Variants in FRMD4A observed in about 807,000 individuals in gnomAD.
FRMD4A encodes the protein FERM domain containing 4A.
A neutral mutation model predicts 129.1 loss-of-function variants in FRMD4A; 29 were observed. The ratio of observed to expected loss-of-function variants is 0.22; its 90% CI spans 0.17 to 0.31. The LOEUF (loss-of-function observed/expected upper bound fraction) is 0.31. Ranked by LOEUF, FRMD4A falls within the 10% of genes least tolerant of loss-of-function variation. The probability of loss-of-function intolerance (pLI) is 1.00; values close to 1 mark genes in which losing one functional copy is unlikely to be tolerated. For synonymous variants in FRMD4A, 634 were observed against 571.6 expected (o/e 1.11, Z -1.56); for missense variants, 1,272 against 1,375.8 (o/e 0.92, Z 1.19).
At chr10:13,706,450 G>C (rs1237495526) in intron 13 of FRMD4A, among the ~76,000 whole-genome samples, 1 of 152,082 alleles carries the variant, frequency 6.6e-6, no homozygotes, top group African/African-American at 2.4e-5. Flanking sequence ...CAACCCTGGT[G>C]CTCTCTGGGG....
At chr10:14,152,936 T>G (rs1365294375) in intron 2 of FRMD4A, among the ~76,000 whole-genome samples, 1 of 152,110 alleles carries the variant, frequency 6.6e-6, no homozygotes, top group African/African-American at 2.4e-5. Context: ...TACCTTAGTC[T>G]CTGGCAGAGC....
intron 3 of FRMD4A, among the ~76,000 whole-genome samples, chr10:13,834,944 C>T (rs1359600954): frequency 2.0e-5 from 3 of 152,142 alleles, no homozygotes; most frequent in African/African-American, 7.2e-5. Flanking sequence ...GACTTCCAGA[C>T]AATCAGATAA....
chr10:13,731,590 A>G (rs1309417888), intron 12 of FRMD4A, among the ~76,000 whole-genome samples: 2 of 149,126 alleles, frequency 1.3e-5, no homozygotes, highest in Non-Finnish European at 3.0e-5. Flanking sequence ...TGGAGGTTGC[A>G]GTGAGCTGAG....
intron 2 of FRMD4A, among the ~76,000 whole-genome samples, chr10:13,878,822 G>GGGAAGGAAGGAAGGAAGGAA (rs71388126): frequency 0.012 from 1,752 of 140,846 alleles, 42 homozygotes; most frequent in African/African-American, 0.024. Flanking sequence ...GAGGGAGGGA[G>GGGAAGGAAGGAAGGAAGGAA]GGAAGGAAGG....
At chr10:13,855,056 C>T (rs181254578) in intron 3 of FRMD4A, among the ~76,000 whole-genome samples, 88 of 152,220 alleles carry the variant, frequency 5.8e-4, no homozygotes, top group African/African-American at 1.9e-3. Context: ...CTGTGAGTAA[C>T]GTATGATCTA....
chr10:14,321,515 G>T (rs918761594), intron 2 of FRMD4A, among the ~76,000 whole-genome samples: 2 of 152,060 alleles, frequency 1.3e-5, no homozygotes, highest in African/African-American at 4.8e-5. Flanking sequence ...GAATTTTGAG[G>T]GGTGGAGGAA....
In FRMD4A at chr10:14,296,217, GC is replaced by G. The variant is rs1846004287; in HGVS notation, c.45+33840del. On this transcript the variant is annotated intron_variant, in intron 2 of 24. Transcript: ENST00000357447. ...AGAATATTTCCTGCAGAGGCCTTTGGCCAAAGTAATCAAATTCTAGCCTGGC... is the reference window on the plus strand; with the variant it reads ...AGAATATTTCCTGCAGAGGCCTTTGGCAAAGTAATCAAATTCTAGCCTGGC... Among the ~76,000 whole-genome samples, 4 of 152,134 alleles carry G rather than the reference GC, an allele frequency of 2.6e-5. No individual in the cohort carries two copies. In the South Asian group the frequency reaches 8.3e-4, roughly 32 times the overall value.
At chr10:13,860,322 T>A (rs2094277040) in intron 2 of FRMD4A, among the ~76,000 whole-genome samples, 1 of 152,250 alleles carries the variant, frequency 6.6e-6, no homozygotes, top group Non-Finnish European at 1.5e-5. Flanking sequence ...CTTTGTTTGT[T>A]AACACCATGT....
intron 2 of FRMD4A, among the ~76,000 whole-genome samples, chr10:14,072,520 G>C (rs1363195822): frequency 1.3e-5 from 2 of 152,152 alleles, no homozygotes; most frequent in Non-Finnish European, 2.9e-5. Context: ...CGCTTTCTGA[G>C]CCTCAGTTAA....
chr10:14,299,105 G>A (rs1004782167), intron 2 of FRMD4A, among the ~76,000 whole-genome samples: 9 of 152,172 alleles, frequency 5.9e-5, no homozygotes, highest in African/African-American at 1.9e-4. Context: ...GGCCAGCCTT[G>A]TAGAGACAAG....
At chr10:14,080,935 G>A (rs1468403040) in intron 2 of FRMD4A, among the ~76,000 whole-genome samples, 4 of 151,752 alleles carry the variant, frequency 2.6e-5, no homozygotes, top group Non-Finnish European at 5.9e-5. Context: ...CTCTGCTGGG[G>A]GCCTATGTGG....
intron 2 of FRMD4A, among the ~76,000 whole-genome samples, chr10:14,171,141 T>G (rs1473302682): frequency 6.6e-6 from 1 of 152,004 alleles, no homozygotes; most frequent in Non-Finnish European, 1.5e-5. Flanking sequence ...ATTAAAAAAA[T>G]TCACGGACAT....
Position 13,659,311 on chromosome 10 carries a change from AG to A in FRMD4A, c.2066+11del. 6.2e-7 allele frequency: 1 copy of A among 1,612,444 alleles called. No homozygotes were observed. Among genetic ancestry groups the A allele is most frequent in the Non-Finnish European group, 8.5e-7 (1 of 1,178,394 alleles). Reference sequence around the variant, plus strand: ...AAGGCTTGGTCTGAGCAGGAAGGCCAGGCAGACTCACCTCGTGGAATGGACG... The same window carrying A: ...AAGGCTTGGTCTGAGCAGGAAGGCCAGCAGACTCACCTCGTGGAATGGACG... On this transcript the variant is annotated intron_variant, in intron 21 of 24. Coordinates refer to ENST00000357447, the MANE Select transcript of FRMD4A (RefSeq NM_018027.5).
chr10:13,794,870 T>G (rs2093080275), intron 5 of FRMD4A, among the ~76,000 whole-genome samples: 1 of 152,214 alleles, frequency 6.6e-6, no homozygotes, highest in Non-Finnish European at 1.5e-5. Context: ...CTAGCACCTA[T>G]TTAACCTCTG....
chr10:13,663,307 ACT>A (rs55876188), intron 19 of FRMD4A, 144 bp downstream of exon 19: 514,376 of 626,752 alleles, frequency 0.82, 212,049 homozygotes, highest in East Asian at 0.88. Flanking sequence ...AGAGGTGAAT[ACT>A]GGGAAATGAG....
chr10:13,698,276 GA>G (rs1474694703), intron 14 of FRMD4A, among the ~76,000 whole-genome samples: 8 of 152,130 alleles, frequency 5.3e-5, no homozygotes, highest in African/African-American at 1.9e-4. Flanking sequence ...CATCATTTGG[GA>G]GGCCTGGGCT....
Position 13,658,382 on chromosome 10 carries a change from T to C in FRMD4A, c.2067-860A>G, listed in dbSNP as rs141243329. ...TTACTTTATAATTCATTCTGCTCGT[T>C]TGAGTCCACTCAGGGCTTAGGGAAG... On this transcript the variant is annotated intron_variant, in intron 21 of 24. Transcript: ENST00000357447. 9.6e-3 allele frequency among the ~76,000 whole-genome samples: 1,470 copies of C among 152,370 alleles called. 17 individuals are homozygous for C. The highest frequency in any genetic ancestry group is 0.032 in the African/African-American group (1,311 of 41,588).
At chr10:13,974,974 A>T (rs1419309670) in intron 2 of FRMD4A, among the ~76,000 whole-genome samples, 1 of 140,978 alleles carries the variant, frequency 7.1e-6, no homozygotes, top group African/African-American at 2.6e-5. Flanking sequence ...AGAGCAATTC[A>T]CTATAGGTGT....
At position 13,664,053 on chromosome 10, in the gene FRMD4A, C is replaced by T. The variant is rs181394170; in HGVS notation, c.1604-544G>A. ...TTTTTATAGATGCCATTCAATTAACCGGGAGAACACACCCAAAAGGGAGAT... is the reference window on the plus strand; with the variant it reads ...TTTTTATAGATGCCATTCAATTAACTGGGAGAACACACCCAAAAGGGAGAT... On this transcript the variant is annotated intron_variant, in intron 18 of 24. Coordinates refer to ENST00000357447, the MANE Select transcript of FRMD4A (RefSeq NM_018027.5). 5.3e-5 allele frequency among the ~76,000 whole-genome samples: 8 copies of T among 152,242 alleles called. No individual in the cohort carries two copies. In the East Asian group the frequency reaches 5.8e-4, roughly 11 times the overall value.
Sources: gnomAD v4.1 joint callset for allele counts (sites outside exome capture counted in the v4.1 genomes callset) on GRCh38, gnomAD v4.1.1 for gene constraint, MANE v1.5 for transcripts, NCBI Gene and HGNC (gene_info 2026-07-23, HGNC 2026-07-21) for gene names.